Variants in MMP26 observed in about 807,000 individuals in gnomAD.
MMP26 encodes the protein matrix metalloproteinase-26.
Under a neutral mutation model 31.0 loss-of-function variants are expected in MMP26, and 33 were observed. The ratio of observed to expected loss-of-function variants is 1.06; its 90% confidence interval spans 0.81 to 1.42. The LOEUF (loss-of-function observed/expected upper bound fraction) is 1.42. Ranked by LOEUF, MMP26 falls within the 40% of genes most tolerant of loss-of-function variation. The pLI, the probability that MMP26 is intolerant of heterozygous loss-of-function variation, is 0.00. For missense variants in MMP26, 347 were observed against 316.1 expected (o/e 1.10, Z -0.74); for synonymous variants, 122 against 114.9 (o/e 1.06, Z -0.40).
intron 2 of MMP26, among the ~76,000 whole-genome samples, chr11:4,772,148 T>G (rs1007691532): frequency 6.6e-6 from 1 of 152,192 alleles, no homozygotes; most frequent in African/African-American, 2.4e-5. Context: ...TCTCCCTATC[T>G]ATAAAAATTA....
chr11:4,799,178 A>C (rs1259652754), intron 2 of MMP26, among the ~76,000 whole-genome samples: 1 of 152,196 alleles, frequency 6.6e-6, no homozygotes, highest in African/African-American at 2.4e-5. Flanking sequence ...AAAATACCTG[A>C]GACTTTAAGA....
At chr11:4,722,525 GAA>G (rs373387254) in intron 1 of MMP26, among the ~76,000 whole-genome samples, 5 of 100,410 alleles carry the variant, frequency 5.0e-5, no homozygotes, top group African/African-American at 1.1e-4. Context: ...TTTAGGACAG[GAA>G]AAAAAAAAAA....
At chr11:4,777,068 T>C (rs902710301) in intron 2 of MMP26, among the ~76,000 whole-genome samples, 1 of 152,198 alleles carries the variant, frequency 6.6e-6, no homozygotes, top group Non-Finnish European at 1.5e-5. Flanking sequence ...GACAGAATTC[T>C]AGGTTCTCTT....
intron 2 of MMP26, among the ~76,000 whole-genome samples, chr11:4,958,965 G>A (rs376059063): frequency 2.0e-5 from 3 of 152,284 alleles, no homozygotes; most frequent in Admixed American, 6.5e-5. Flanking sequence ...TAGGCCGGGC[G>A]CGGTGGCTCA....
At chr11:4,863,651 G>T (rs557396180) in intron 2 of MMP26, 1 of 152,204 alleles carries the variant, frequency 6.6e-6, no homozygotes, top group African/African-American at 2.4e-5. Context: ...AATTAATTTG[G>T]CTTCTTTCCT....
chr11:4,724,111 T>G (rs1589883973), intron 1 of MMP26: 1 of 634,002 alleles, frequency 1.6e-6, no homozygotes. Context: ...GAGCGGCTGC[T>G]GAAGTCCTGG....
intron 2 of MMP26, among the ~76,000 whole-genome samples, chr11:4,936,494 C>T (rs1298815460): frequency 3.3e-5 from 5 of 152,020 alleles, no homozygotes; most frequent in Non-Finnish European, 7.4e-5. Context: ...GTTTAAAAGT[C>T]TATTTAGGCT....
intron 2 of MMP26, among the ~76,000 whole-genome samples, chr11:4,834,664 G>A (rs779299406): frequency 7.2e-5 from 11 of 152,296 alleles, no homozygotes; most frequent in Non-Finnish European, 1.5e-4. Context: ...TAGGGACTCG[G>A]TCAGGAACAG....
chr11:4,763,493 A>C (rs1848593243), intron 1 of MMP26, among the ~76,000 whole-genome samples: 1 of 152,258 alleles, frequency 6.6e-6, no homozygotes, highest in Non-Finnish European at 1.5e-5. Context: ...TCAGATTACT[A>C]ATAAAAGAAA....
intron 2 of MMP26, chr11:4,908,644 G>A (rs1011138516): frequency 2.8e-6 from 1 of 355,004 alleles, no homozygotes; most frequent in Non-Finnish European, 5.3e-6. Context: ...TAAAAATACA[G>A]ATGATATACA....
chr11:4,772,098 T>G (rs1848731646), intron 2 of MMP26, among the ~76,000 whole-genome samples: 2 of 152,270 alleles, frequency 1.3e-5, no homozygotes, highest in African/African-American at 4.8e-5. Context: ...GATTTATGTC[T>G]CTCTGCAGCC....
At chr11:4,979,311 C>A (rs1846781430) in intron 2 of MMP26, among the ~76,000 whole-genome samples, 2 of 152,072 alleles carry the variant, frequency 1.3e-5, no homozygotes, top group African/African-American at 4.8e-5. Flanking sequence ...TTGAATAAAT[C>A]CCCAGGTTGG....
chr11:4,908,824 G>A (rs1850947325), intron 2 of MMP26: 1 of 162,240 alleles, frequency 6.2e-6, no homozygotes, highest in African/African-American at 2.4e-5. Flanking sequence ...TTCAGGAGGT[G>A]TTGGAATGCC....
Position 4,893,177 on chromosome 11 carries a change from T to C in MMP26, c.-144-94891T>C, listed in dbSNP as rs183257701. Among the ~76,000 whole-genome samples, 6 of 152,244 alleles carry C rather than the reference T, an allele frequency of 3.9e-5. 1 individual carries two copies. In the East Asian group the frequency reaches 1.2e-3, roughly 29 times the overall value. On this transcript the variant is annotated intron_variant, in intron 2 of 7. Transcript: ENST00000380390. ...ATACATACTACATATTATTTTATGT[T>C]TTATATCAAATATAATATGGATCAA...
intron 2 of MMP26, among the ~76,000 whole-genome samples, chr11:4,917,259 G>A (rs1167825914): frequency 6.6e-6 from 1 of 152,090 alleles, no homozygotes; most frequent in Non-Finnish European, 1.5e-5. Flanking sequence ...ATATTATGCT[G>A]TAGATAAGAA....
chr11:4,848,836 C>A (rs750726928), intron 2 of MMP26: 2 of 1,614,034 alleles, frequency 1.2e-6, no homozygotes, highest in Non-Finnish European at 1.7e-6. Context: ...ATGGACATGG[C>A]GAGCAAGACA....
chr11:4,957,900 G>A (rs1025384824), intron 2 of MMP26, among the ~76,000 whole-genome samples: 2 of 151,930 alleles, frequency 1.3e-5, no homozygotes, highest in Non-Finnish European at 2.9e-5. Context: ...GGCAGGTCTC[G>A]AACTCCTGAC....
chr11:4,838,628 G>C (rs184366990), intron 2 of MMP26, among the ~76,000 whole-genome samples: 1 of 152,000 alleles, frequency 6.6e-6, no homozygotes, highest in Non-Finnish European at 1.5e-5. Context: ...TGATTATGTC[G>C]TCATTTGAAT....
At chr11:4,930,002 T>C (rs2133589692) in intron 2 of MMP26, among the ~76,000 whole-genome samples, 1 of 152,258 alleles carries the variant, frequency 6.6e-6, no homozygotes, top group East Asian at 1.9e-4. Context: ...TTCAAAAATG[T>C]ACTTGGAATA....
Sources: allele counts gnomAD v4.1 joint callset (sites outside exome capture counted in the v4.1 genomes callset), GRCh38; gene constraint gnomAD v4.1.1; transcripts MANE v1.5; gene names NCBI Gene and HGNC (gene_info 2026-07-23, HGNC 2026-07-21).